Variants in MTPN observed in about 807,000 individuals in gnomAD.
MTPN encodes granule cell differentiation protein.
Under a neutral mutation model 13.5 loss-of-function variants are expected in MTPN, and 2 were observed. That is an observed-to-expected ratio of 0.15 (90% CI 0.06 to 0.47). The LOEUF (loss-of-function observed/expected upper bound fraction) is 0.47. MTPN is among the 20% of genes least tolerant of loss of function. The probability of loss-of-function intolerance (pLI) is 0.97; values close to 1 mark genes in which losing one functional copy is unlikely to be tolerated. For missense variants in MTPN, 79 were observed against 137.9 expected (o/e 0.57, Z 2.14); for synonymous variants, 46 against 51.7 (o/e 0.89, Z 0.48).
At chr7:135,952,115 A>G (rs1373236) in intron 1 of MTPN, among the ~76,000 whole-genome samples, 71,786 of 152,040 alleles carry the variant, frequency 0.47, 17,248 homozygotes, top group East Asian at 0.6. Flanking sequence ...CCAATTGTGT[A>G]GCAGGCACTG....
In MTPN at chr7:135,977,127, C is replaced by G; in HGVS notation, c.-27G>C. The G allele has an allele frequency of 6.2e-7, 1 of 1,613,470 alleles. No homozygotes were observed. Among genetic ancestry groups the G allele is most frequent in the Non-Finnish European group, 8.5e-7 (1 of 1,179,670 alleles). On this transcript the variant is annotated 5_prime_UTR_variant, in exon 1 of 4. Transcript: ENST00000393085. ...ACTGCAGCGGGGCAGGCCGGTTGGC[C>G]GGGCAGAAGATGAGGAGGCGGTGGC...
chr7:135,942,363 G>A (rs1470011031), intron 3 of MTPN, among the ~76,000 whole-genome samples: 1 of 152,114 alleles, frequency 6.6e-6, no homozygotes, highest in African/African-American at 2.4e-5. Context: ...TACTTGCTGA[G>A]AACTCATGAT....
chr7:135,968,380 G>A (rs962543298), intron 1 of MTPN, among the ~76,000 whole-genome samples: 1 of 151,416 alleles, frequency 6.6e-6, no homozygotes, highest in African/African-American at 2.4e-5. Flanking sequence ...CTTACATTTT[G>A]GTTTCTTTTC....
chr7:135,977,023 G>A lies in MTPN; in HGVS notation c.72+6C>T, dbSNP rs370167088. The A allele has an allele frequency of 1.1e-4, 155 of 1,436,884 alleles. No homozygotes were observed. The highest frequency in any genetic ancestry group is 1.3e-4 in the Non-Finnish European group (142 of 1,070,640). The allele number at this position is 1,436,884 out of a possible 1,614,324, so 89.0% of individuals were successfully genotyped here. A position where few individuals can be genotyped will look rare whatever the true frequency, so the allele number is the denominator to read the frequency against. ...GTTCTCGCCTACTCTTCTCATCCCC[G>A]CTTACCTTGGCCACATAGTCTTTCA... On this transcript the variant is annotated splice_donor_region_variant and intron_variant, in intron 1 of 3. Coordinates refer to ENST00000393085, the MANE Select transcript of MTPN (RefSeq NM_145808.4).
At chr7:135,950,290 C>T (rs190927007) in intron 3 of MTPN, among the ~76,000 whole-genome samples, 6 of 152,302 alleles carry the variant, frequency 3.9e-5, no homozygotes, top group Admixed American at 2.0e-4. Flanking sequence ...CAAAGTGTTA[C>T]TGTCCAAAAT....
chr7:135,964,071 T>C (rs552459373), intron 1 of MTPN, among the ~76,000 whole-genome samples: 19 of 151,884 alleles, frequency 1.3e-4, no homozygotes, highest in Admixed American at 5.9e-4. Flanking sequence ...TTGGAAAAAA[T>C]TGTCAATTTG....
intron 1 of MTPN, among the ~76,000 whole-genome samples, chr7:135,966,725 T>C (rs1013690527): frequency 2.0e-5 from 3 of 152,198 alleles, no homozygotes; most frequent in African/African-American, 7.2e-5. Flanking sequence ...CAGCTCTAGA[T>C]AGACGCATCC....
chr7:135,934,458 A>G (rs954267472), intron 3 of MTPN, among the ~76,000 whole-genome samples: 1 of 152,196 alleles, frequency 6.6e-6, no homozygotes, highest in African/African-American at 2.4e-5. Context: ...TTTGGAAGTG[A>G]CACACATCAT....
At chr7:135,948,790 G>C (rs1799320839) in intron 3 of MTPN, among the ~76,000 whole-genome samples, 1 of 152,190 alleles carries the variant, frequency 6.6e-6, no homozygotes, top group South Asian at 2.1e-4. Flanking sequence ...CTGATCTACA[G>C]TTTGAGATAT....
chr7:135,945,319 C>T (rs1360890139), intron 3 of MTPN, among the ~76,000 whole-genome samples: 2 of 152,094 alleles, frequency 1.3e-5, no homozygotes, highest in African/African-American at 2.4e-5. Flanking sequence ...AATAAATTAA[C>T]CTTAGCTCAC....
intron 1 of MTPN, among the ~76,000 whole-genome samples, chr7:135,969,085 GGGT>G (rs1423577512): frequency 0.046 from 2,812 of 61,248 alleles, 87 homozygotes; most frequent in East Asian, 0.072. Context: ...GACTGTTGTG[GGGT>G]GGGGGGGGGG....
At chr7:135,934,092 T>C (rs1292100113) in intron 3 of MTPN, among the ~76,000 whole-genome samples, 2 of 152,196 alleles carry the variant, frequency 1.3e-5, no homozygotes, top group East Asian at 3.8e-4. Flanking sequence ...ACCTCTTCTC[T>C]TCATAAATCA....
chr7:135,973,245 T>A (rs1266114101), intron 1 of MTPN, among the ~76,000 whole-genome samples: 2 of 146,756 alleles, frequency 1.4e-5, no homozygotes, highest in African/African-American at 5.0e-5. Flanking sequence ...GACTATATAT[T>A]CTTTCTTGAC....
At chr7:135,939,677 C>CTTTCTCG (rs1799178383) in intron 3 of MTPN, among the ~76,000 whole-genome samples, 1 of 148,850 alleles carries the variant, frequency 6.7e-6, no homozygotes, top group South Asian at 2.1e-4. Context: ...CATCTTCAGA[C>CTTTCTCG]TTTCTCGTTT....
chr7:135,976,097 A>G (rs1423046104), intron 1 of MTPN, among the ~76,000 whole-genome samples: 1 of 152,264 alleles, frequency 6.6e-6, no homozygotes. Context: ...TTATCACTAA[A>G]TTAAAATCAC....
chr7:135,934,083 C>G (rs1799074069), intron 3 of MTPN, among the ~76,000 whole-genome samples: 2 of 152,162 alleles, frequency 1.3e-5, no homozygotes, highest in Admixed American at 1.3e-4. Context: ...GTGAATTAAA[C>G]CTCTTCTCTT....
intron 3 of MTPN, among the ~76,000 whole-genome samples, chr7:135,949,370 GA>G (rs1383860189): frequency 2.0e-5 from 3 of 152,162 alleles, no homozygotes; most frequent in Admixed American, 2.0e-4. Flanking sequence ...ACAGTGACTG[GA>G]AATCTTTGCG....
chr7:135,959,948 G>A (rs1799497197), intron 1 of MTPN, among the ~76,000 whole-genome samples: 1 of 151,780 alleles, frequency 6.6e-6, no homozygotes, highest in Non-Finnish European at 1.5e-5. Flanking sequence ...ATGCCAAGTT[G>A]TTTTTTCCTT....
At chr7:135,952,724 G>T (rs754318730) in intron 1 of MTPN, among the ~76,000 whole-genome samples, 5 of 152,140 alleles carry the variant, frequency 3.3e-5, no homozygotes, top group Non-Finnish European at 5.9e-5. Flanking sequence ...CACTTTGGGA[G>T]GCCAAGACTG....
Sources: allele counts gnomAD v4.1 joint callset (sites outside exome capture counted in the v4.1 genomes callset), GRCh38; gene constraint gnomAD v4.1.1; transcripts MANE v1.5; gene names NCBI Gene and HGNC (gene_info 2026-07-23, HGNC 2026-07-21).